The following ORC4 variants were observed in gnomAD, a reference collection of about 807,000 sequenced individuals.
ORC4 encodes origin recognition complex, subunit 4 homolog.
Under a neutral mutation model 63.9 loss-of-function variants are expected in ORC4, and 55 were observed. That is an observed-to-expected ratio of 0.86 (90% CI 0.69 to 1.08). The LOEUF (loss-of-function observed/expected upper bound fraction) is 1.08, where lower values mean the gene tolerates loss of function less well. Ranked by LOEUF, ORC4 falls within the 50% of genes least tolerant of loss-of-function variation. The probability of loss-of-function intolerance (pLI) is 0.00; values close to 1 mark genes in which losing one functional copy is unlikely to be tolerated. For missense variants in ORC4, 511 were observed against 504.4 expected (o/e 1.01, Z -0.13); for synonymous variants, 150 against 168.5 (o/e 0.89, Z 0.85).
chr2:147,983,296 C>T (rs1690998821), intron 1 of ORC4, among the ~76,000 whole-genome samples: 1 of 152,160 alleles, frequency 6.6e-6, no homozygotes, highest in South Asian at 2.1e-4. Flanking sequence ...TCGTAATAGT[C>T]AAAACACTGG....
rs1397351625 is a variant in ORC4, at chr2:147,934,589, TACAC to T, written c.*917_*920del. On this transcript the variant is annotated 3_prime_UTR_variant, in exon 14 of 14. Coordinates refer to ENST00000392857, the MANE Select transcript of ORC4 (RefSeq NM_181741.4). Reference sequence around the variant, plus strand: ...CTGTATGAACATCACAGAGTATACTTACACAGACCCTGATGATATGTATATAGCC... The same window carrying T: ...CTGTATGAACATCACAGAGTATACTTAGACCCTGATGATATGTATATAGCC... The T allele has an allele frequency of 6.6e-6, 1 of 152,094 alleles. No individual in the cohort carries two copies. Among genetic ancestry groups the T allele is most frequent in the Non-Finnish European group, 1.5e-5 (1 of 68,016 alleles). 9.4% of individuals were successfully genotyped at this position (152,094 alleles called of 1,614,324 possible). A position where few individuals can be genotyped will look rare whatever the true frequency, so the allele number is the denominator to read the frequency against.
At position 147,973,522 on chromosome 2, in the gene ORC4, T is replaced by C; in HGVS notation, c.60A>G (p.Val20=). The C allele has an allele frequency of 6.4e-7, 1 of 1,565,222 alleles. No individual in the cohort carries two copies. Among genetic ancestry groups the C allele is most frequent in the South Asian group, 1.1e-5 (1 of 89,142 alleles). The change falls in exon 3 of 14, where the codon GTA becomes GTG. Residue 20 remains valine (V), a splice_region_variant and synonymous_variant. Coordinates refer to ENST00000392857, the MANE Select transcript of ORC4 (RefSeq NM_181741.4). ...SLIHTECLSQ[V]QRILRERFCR... Reference sequence around the variant, plus strand: ...AAAATCTTTCACGTAAAATTCTTTGTACCTGATGAAAATAAAGTGAATAAA... The same window carrying C: ...AAAATCTTTCACGTAAAATTCTTTGCACCTGATGAAAATAAAGTGAATAAA...
At chr2:147,979,992 T>C (rs535287811) in intron 1 of ORC4, among the ~76,000 whole-genome samples, 1 of 152,262 alleles carries the variant, frequency 6.6e-6, no homozygotes, top group South Asian at 2.1e-4. Context: ...GAAAGCTTTT[T>C]GACACTGGAC....
chr2:147,990,384 T>C (rs1421197251), intron 1 of ORC4, among the ~76,000 whole-genome samples: 2 of 152,248 alleles, frequency 1.3e-5, no homozygotes, highest in African/African-American at 4.8e-5. Context: ...TTAGTTTTCA[T>C]TCTTTTTTCT....
intron 7 of ORC4, among the ~76,000 whole-genome samples, chr2:147,955,110 T>A (rs1689171716): frequency 6.6e-6 from 1 of 151,950 alleles, no homozygotes; most frequent in Admixed American, 6.5e-5. Context: ...TTTATCTCTA[T>A]CAATAATATA....
chr2:147,945,050 C>T (rs189434469), intron 9 of ORC4, among the ~76,000 whole-genome samples: 1 of 152,002 alleles, frequency 6.6e-6, no homozygotes, highest in Admixed American at 6.6e-5. Flanking sequence ...TTTAAAATTG[C>T]AATATGGAAG....
chr2:147,991,490 G>A lies in ORC4; in HGVS notation c.-17-15515C>T, dbSNP rs536766462. On this transcript the variant is annotated intron_variant, in intron 1 of 13. Coordinates refer to ENST00000392857, the MANE Select transcript of ORC4 (RefSeq NM_181741.4). The stretch of plus-strand genomic sequence containing the variant: ...TAAACAACCCCCAGAAGGATAATCA[G>A]AGAGTTAATACTATGATATGTTCAG... Among the ~76,000 whole-genome samples, 58 of 152,270 alleles carry A rather than the reference G, an allele frequency of 3.8e-4. 1 individual carries two copies. The East Asian group carries it at 0.011, about 28-fold the overall frequency.
intron 1 of ORC4, among the ~76,000 whole-genome samples, chr2:148,009,836 C>A (rs1183970009): frequency 6.6e-6 from 1 of 152,180 alleles, no homozygotes; most frequent in African/African-American, 2.4e-5. Flanking sequence ...CACAGAAGAG[C>A]TGAAGGGCTA....
intron 1 of ORC4, among the ~76,000 whole-genome samples, chr2:148,007,821 G>A (rs761217148): frequency 3.9e-5 from 6 of 151,956 alleles, no homozygotes; most frequent in South Asian, 4.1e-4. Flanking sequence ...TCCTAAAAGC[G>A]GCAAAAGAAA....
intron 1 of ORC4, among the ~76,000 whole-genome samples, chr2:147,994,972 T>G (rs1691853015): frequency 6.6e-6 from 1 of 152,140 alleles, no homozygotes; most frequent in African/African-American, 2.4e-5. Flanking sequence ...TTGGACAACT[T>G]TTCTGTCTAG....
At position 147,938,200 on chromosome 2, in the gene ORC4, A is replaced by G. The variant is rs2105256289; in HGVS notation, c.1068T>C (p.Phe356=). The change falls in exon 13 of 14, where the codon TTT becomes TTC. Residue 356 remains phenylalanine (F), a synonymous_variant. Transcript: ENST00000392857. ...AAACGGAATGTGCTTTCCTTTGAAC[A>G]AACTTCTGAAACTCTGAGTAGAAAG... ...FQMVYNEFQK[F]VQRKAHSVYN... is the part of the protein sequence containing the mutation. The G allele has an allele frequency of 6.2e-7, 1 of 1,612,544 alleles. No homozygotes were observed. The highest frequency in any genetic ancestry group is 1.1e-5 in the South Asian group (1 of 91,048).
At chr2:147,938,428 T>C (rs907972564) in intron 11 of ORC4, 35 bp from the exon 12 acceptor site, 3 of 1,191,794 alleles carry the variant, frequency 2.5e-6, no homozygotes, top group Non-Finnish European at 2.5e-6. Context: ...ATCAGTTTAA[T>C]GACATATAAG....
At chr2:147,937,233 G>A (rs1573740081) in intron 13 of ORC4, among the ~76,000 whole-genome samples, 1 of 152,014 alleles carries the variant, frequency 6.6e-6, no homozygotes, top group Non-Finnish European at 1.5e-5. Flanking sequence ...CAATGGACTT[G>A]GGGAATCCAC....
rs1259317549 is a variant in ORC4, at chr2:147,938,206, C to T, written c.1062G>A (p.Gln354=). The T allele has an allele frequency of 1.2e-5, 20 of 1,612,326 alleles. No homozygotes were observed. Among genetic ancestry groups the T allele is most frequent in the Admixed American group, 1.7e-5 (1 of 59,944 alleles). Residue 354 remains glutamine (Q), a synonymous_variant, in exon 13 of 14, where the codon CAG becomes CAA. Coordinates refer to ENST00000392857, the MANE Select transcript of ORC4 (RefSeq NM_181741.4). ...AATGTGCTTTCCTTTGAACAAACTT[C>T]TGAAACTCTGAGTAGAAAGCAATGA... ...FNFQMVYNEF[Q]KFVQRKAHSV...
At chr2:148,020,380 CAGAGGT>C in intron 1 of ORC4, among the ~76,000 whole-genome samples, 1 of 152,298 alleles carries the variant, frequency 6.6e-6, no homozygotes, top group East Asian at 1.9e-4. Flanking sequence ...TACCCCGATG[CAGAGGT>C]AGACTCAGGA....
Position 148,003,411 on chromosome 2 carries a change from A to G in ORC4, c.-18+17222T>C, listed in dbSNP as rs1253067255. On this transcript the variant is annotated intron_variant, in intron 1 of 13. Transcript: ENST00000392857. ...CAGCAGCACATCAAAAAGTTTATCC[A>G]CCATGATCAAGTTGGCTTCATCCCT... 2.0e-5 allele frequency among the ~76,000 whole-genome samples: 3 copies of G among 152,198 alleles called. No individual in the cohort carries two copies. The East Asian group carries it at 5.8e-4, about 29-fold the overall frequency.
At chr2:147,937,568 T>TG (rs1375842529) in intron 13 of ORC4, among the ~76,000 whole-genome samples, 1 of 152,202 alleles carries the variant, frequency 6.6e-6, no homozygotes, top group Non-Finnish European at 1.5e-5. Context: ...GATTATAGAA[T>TG]GACACATTTT....
At chr2:147,985,395 A>T (rs17218903) in intron 1 of ORC4, among the ~76,000 whole-genome samples, 177 of 152,170 alleles carry the variant, frequency 1.2e-3, no homozygotes, top group African/African-American at 4.0e-3. Context: ...ACGGGGTTTC[A>T]CCATGTTAGC....
chr2:147,997,882 A>C (rs1217375669), intron 1 of ORC4, among the ~76,000 whole-genome samples: 1 of 152,246 alleles, frequency 6.6e-6, no homozygotes, highest in Non-Finnish European at 1.5e-5. Flanking sequence ...ATTCTATTTT[A>C]ACTTTTAAAC....
Sources: allele counts gnomAD v4.1 joint callset (sites outside exome capture counted in the v4.1 genomes callset), GRCh38; gene constraint gnomAD v4.1.1; transcripts MANE v1.5; gene names NCBI Gene and HGNC (gene_info 2026-07-23, HGNC 2026-07-21).